CREBL2: variants seen among roughly 807,000 people sequenced by gnomAD.
The protein encoded by CREBL2 is cAMP responsive element binding protein like 2.
In CREBL2, 4 loss-of-function variants were observed where a neutral mutation model predicts 19.5. The ratio of observed to expected loss-of-function variants is 0.20; its 90% CI spans 0.10 to 0.47. The LOEUF (loss-of-function observed/expected upper bound fraction) is 0.47. Ranked by LOEUF, CREBL2 falls within the 20% of genes least tolerant of loss-of-function variation. The probability of loss-of-function intolerance (pLI) is 0.98; values close to 1 mark genes in which losing one functional copy is unlikely to be tolerated. For synonymous variants in CREBL2, 42 were observed against 46.6 expected (o/e 0.90, Z 0.40); for missense variants, 85 against 145.1 (o/e 0.59, Z 2.13).
intron 1 of CREBL2, among the ~76,000 whole-genome samples, chr12:12,623,359 T>C (rs915100404): frequency 2.0e-5 from 3 of 151,588 alleles, no homozygotes; most frequent in South Asian, 2.1e-4. Context: ...AAAAAAAAAA[T>C]AAAGCATATA....
chr12:12,635,397 A>G (rs1158478786), intron 1 of CREBL2, among the ~76,000 whole-genome samples: 1 of 151,928 alleles, frequency 6.6e-6, no homozygotes, highest in African/African-American at 2.4e-5. Context: ...ATTGTCATGA[A>G]CAAAATATTT....
At position 12,611,969 on chromosome 12, in the gene CREBL2, C is replaced by A; in HGVS notation, c.-204C>A. ...CGGCGGCGAAGGGAGGCGTTTGGGG[C>A]CGCCTCCAGGGTCCGCTCTGCCATT... On this transcript the variant is annotated 5_prime_UTR_variant, in exon 1 of 4. Coordinates refer to ENST00000228865, the MANE Select transcript of CREBL2 (RefSeq NM_001310.4). 1.6e-6 allele frequency: 1 copy of A among 607,954 alleles called. No homozygotes were observed. The highest frequency in any genetic ancestry group is 2.0e-5 in the South Asian group (1 of 49,142). The allele number at this position is 607,954 out of a possible 1,614,324, so 37.7% of individuals were successfully genotyped here.
In CREBL2 at chr12:12,643,821, G is replaced by A. The variant is rs1945544983; in HGVS notation, c.*1823G>A. Reference sequence around the variant, plus strand: ...CATAAATAGGTTTGTTGATATTCAGGCCTTCAGAATTTAAGGGTTTTAAAT... The same window carrying A: ...CATAAATAGGTTTGTTGATATTCAGACCTTCAGAATTTAAGGGTTTTAAAT... On this transcript the variant is annotated 3_prime_UTR_variant, in exon 4 of 4. Coordinates refer to ENST00000228865, the MANE Select transcript of CREBL2 (RefSeq NM_001310.4). 1 of 152,510 alleles carries A rather than the reference G, an allele frequency of 6.6e-6. No homozygotes were observed. Among genetic ancestry groups the A allele is most frequent in the Non-Finnish European group, 1.5e-5 (1 of 68,022 alleles). The allele number at this position is 152,510 out of a possible 1,614,324, so 9.4% of individuals were successfully genotyped here. A position where few individuals can be genotyped will look rare whatever the true frequency, so the allele number is the denominator to read the frequency against.
At chr12:12,628,928 A>G (rs2136303620) in intron 1 of CREBL2, among the ~76,000 whole-genome samples, 1 of 152,364 alleles carries the variant, frequency 6.6e-6, no homozygotes, top group East Asian at 1.9e-4. Context: ...TCAATTGACC[A>G]TAAACGTAAG....
chr12:12,617,923 T>C (rs562248242), intron 1 of CREBL2, among the ~76,000 whole-genome samples: 12 of 151,804 alleles, frequency 7.9e-5, no homozygotes, highest in South Asian at 6.2e-4. Flanking sequence ...CATCTTGCAC[T>C]GCCCTTAATC....
chr12:12,625,415 C>T (rs1338123630), intron 1 of CREBL2, among the ~76,000 whole-genome samples: 1 of 152,156 alleles, frequency 6.6e-6, no homozygotes, highest in African/African-American at 2.4e-5. Flanking sequence ...TAGTTAACCT[C>T]CTCAGCACAC....
intron 1 of CREBL2, among the ~76,000 whole-genome samples, chr12:12,618,757 G>A (rs143792505): frequency 1.3e-5 from 2 of 152,222 alleles, no homozygotes; most frequent in African/African-American, 4.8e-5. Context: ...CACTGAGTGA[G>A]CGAGACTCCA....
chr12:12,612,314 T>C, intron 1 of CREBL2, 127 bp downstream of exon 1: 1 of 1,525,604 alleles, frequency 6.6e-7, no homozygotes, highest in Non-Finnish European at 8.9e-7. Flanking sequence ...CCTGCGCCTC[T>C]CCAGTCCACT....
At chr12:12,631,695 C>T (rs1945443626) in intron 1 of CREBL2, among the ~76,000 whole-genome samples, 13 of 152,154 alleles carry the variant, frequency 8.5e-5, no homozygotes. Flanking sequence ...ATTAACGCCC[C>T]CTATCTGTTC....
Position 12,615,129 on chromosome 12 carries a change from G to A in CREBL2, c.15+2942G>A, listed in dbSNP as rs553179455. On this transcript the variant is annotated intron_variant, in intron 1 of 3. Coordinates refer to ENST00000228865, the MANE Select transcript of CREBL2 (RefSeq NM_001310.4). ...TCCCGGGTTCAAGTGATTCTCCTGC[G>A]TCAGCCTCCTGAGTAGCTGGGATTA... Among the ~76,000 whole-genome samples, 100 of 152,058 alleles carry A rather than the reference G, an allele frequency of 6.6e-4. 4 individuals carry two copies. In the South Asian group the frequency reaches 0.017, roughly 26 times the overall value.
intron 1 of CREBL2, among the ~76,000 whole-genome samples, chr12:12,621,132 T>C (rs1456094042): frequency 6.6e-6 from 1 of 152,252 alleles, no homozygotes; most frequent in Non-Finnish European, 1.5e-5. Context: ...ATATGGTCTC[T>C]GTTGGAATTA....
intron 1 of CREBL2, among the ~76,000 whole-genome samples, chr12:12,629,767 T>G (rs1315262999): frequency 6.6e-6 from 1 of 151,910 alleles, no homozygotes; most frequent in Non-Finnish European, 1.5e-5. Context: ...ATTATCAGAT[T>G]GGGGAAGTTT....
intron 1 of CREBL2, among the ~76,000 whole-genome samples, chr12:12,617,822 C>T (rs968069089): frequency 2.0e-5 from 3 of 151,366 alleles, no homozygotes; most frequent in African/African-American, 4.9e-5. Context: ...TGCGGCCTTC[C>T]GCTGTGTTTG....
chr12:12,617,921 A>G (rs1945325312), intron 1 of CREBL2, among the ~76,000 whole-genome samples: 1 of 151,690 alleles, frequency 6.6e-6, no homozygotes, highest in Non-Finnish European at 1.5e-5. Flanking sequence ...CACATCTTGC[A>G]CTGCCCTTAA....
intron 1 of CREBL2, chr12:12,614,852 C>T: frequency 7.1e-6 from 2 of 281,634 alleles, no homozygotes; most frequent in South Asian, 3.0e-5. Context: ...ATTTGTAGGG[C>T]ATTAGTTTTT....
chr12:12,612,047 A>G lies in CREBL2; in HGVS notation c.-126A>G. The G allele has an allele frequency of 1.8e-6, 2 of 1,138,402 alleles. No homozygotes were observed. Among genetic ancestry groups the G allele is most frequent in the Non-Finnish European group, 2.6e-6 (2 of 776,962 alleles). 70.5% of individuals were successfully genotyped at this position (1,138,402 alleles called of 1,614,324 possible). ...TCTGGCATCAGGGAAGCGAACTGTT[A>G]GGCGAGAGGAGGAGGCAGCCAGAAC... On this transcript the variant is annotated 5_prime_UTR_variant, in exon 1 of 4. Coordinates refer to ENST00000228865, the MANE Select transcript of CREBL2 (RefSeq NM_001310.4).
In CREBL2 at chr12:12,642,073, C is replaced by A; in HGVS notation, c.*75C>A. 1.7e-6 allele frequency: 2 copies of A among 1,188,124 alleles called. No homozygotes were observed. The highest frequency in any genetic ancestry group is 2.4e-6 in the Non-Finnish European group (2 of 824,504). The allele number at this position is 1,188,124 out of a possible 1,614,324, so 73.6% of individuals were successfully genotyped here. A position where few individuals can be genotyped will look rare whatever the true frequency, so the allele number is the denominator to read the frequency against. On this transcript the variant is annotated 3_prime_UTR_variant, in exon 4 of 4. Coordinates refer to ENST00000228865, the MANE Select transcript of CREBL2 (RefSeq NM_001310.4). ...TGGAAGATGGATGGGCAAGAGTGTA[C>A]TTCTTGGCTCCATTTACTACCTACT...
chr12:12,619,532 G>C (rs1186433937), intron 1 of CREBL2, among the ~76,000 whole-genome samples: 3 of 152,092 alleles, frequency 2.0e-5, no homozygotes, highest in African/African-American at 7.2e-5. Context: ...AATTGCATAA[G>C]CCCAGGAGGT....
chr12:12,640,565 A>AG (rs1416286391), intron 3 of CREBL2, among the ~76,000 whole-genome samples: 2 of 152,230 alleles, frequency 1.3e-5, no homozygotes, highest in African/African-American at 4.8e-5. Context: ...AGTGGTCCTG[A>AG]GGTGACATAC....
Sources: gnomAD v4.1 joint callset for allele counts (sites outside exome capture counted in the v4.1 genomes callset) on GRCh38, gnomAD v4.1.1 for gene constraint, MANE v1.5 for transcripts, NCBI Gene and HGNC (gene_info 2026-07-23, HGNC 2026-07-21) for gene names.